Variants in ATP2A1 observed in about 807,000 individuals in gnomAD.
ATP2A1 encodes ATPase sarcoplasmic/endoplasmic reticulum Ca2+ transporting 1, also known as sarcoplasmic/endoplasmic reticulum calcium ATPase 1.
ATP2A1 carries 83 observed loss-of-function variants against 109.5 expected under a neutral mutation model. The ratio of observed to expected loss-of-function variants is 0.76; its 90% CI spans 0.63 to 0.91. The LOEUF is 0.91. ATP2A1 is among the 40% of genes least tolerant of loss of function. The pLI, the probability that ATP2A1 is intolerant of heterozygous loss-of-function variation, is 0.00. For synonymous variants in ATP2A1, 505 were observed against 537.6 expected, an observed-to-expected ratio of 0.94 and a Z score of 0.84; for missense variants, 1,101 against 1,341.0, an observed-to-expected ratio of 0.82 and a Z score of 2.80.
chr16:28,894,828 G>T lies in ATP2A1; in HGVS notation c.1294G>T (p.Gly432Cys). 1 of 1,611,660 alleles carries T rather than the reference G, an allele frequency of 6.2e-7. No individual in the cohort carries two copies. The change falls in exon 12 of 23, where the codon GGT becomes TGT. Residue 432 changes from glycine (G) to cysteine (C), a missense_variant. By Grantham distance (159) the Gly-to-Cys change is radical. Coordinates refer to ENST00000395503, the MANE Select transcript of ATP2A1 (RefSeq NM_004320.6). ...CCTCCTCTGCCCATCTCAGGCCAAA[G>T]GTGTCTATGAGAAGGTCGGCGAGGC... ...DSSLDFNEAKGVYEKVGEATE... is the reference protein window; with the variant it reads ...DSSLDFNEAKCVYEKVGEATE...
rs1174632795 is a variant in ATP2A1, at chr16:28,880,710, C to T, written c.220-205C>T. Among the ~76,000 whole-genome samples, 2 of 152,248 alleles carry T rather than the reference C, an allele frequency of 1.3e-5. No homozygotes were observed. The highest frequency in any genetic ancestry group is 4.8e-5 in the African/African-American group (2 of 41,470). ...GTGGTGCAAGTCTGTGCGCGCCCAT[C>T]CCGCTGAGTAAGGCGGTGGCAGGAC... On this transcript the variant is annotated intron_variant, in intron 3 of 22. Coordinates refer to ENST00000395503, the MANE Select transcript of ATP2A1 (RefSeq NM_004320.6). The surrounding 1 kb of genome is among the most constrained non-coding windows in gnomAD (Gnocchi z 4.2).
chr16:28,882,359 T>C (rs1963511214), intron 4 of ATP2A1, 92 bp from the exon 5 acceptor site: 2 of 1,574,446 alleles, frequency 1.3e-6, no homozygotes. Context: ...CCTGCCTGTG[T>C]GGGGTTTTGT....
chr16:28,888,761 C>T, intron 8 of ATP2A1, 26 bp from the exon 9 acceptor site: 1 of 1,609,960 alleles, frequency 6.2e-7, no homozygotes. Flanking sequence ...TGCAGGTTCC[C>T]TCACACCCTC....
At chr16:28,894,383 G>A in intron 10 of ATP2A1, 122 bp from the exon 11 acceptor site, 1 of 1,286,438 alleles carries the variant, frequency 7.8e-7, no homozygotes, top group Non-Finnish European at 1.1e-6. Flanking sequence ...TGATATCCGA[G>A]TTGGCTCTCC....
chr16:28,888,906 T>G lies in ATP2A1; in HGVS notation c.1048T>G (p.Ser350Ala). 1 of 1,614,156 alleles carries G rather than the reference T, an allele frequency of 6.2e-7. No individual in the cohort carries two copies. Among genetic ancestry groups the G allele is most frequent in the Non-Finnish European group, 8.5e-7 (1 of 1,180,026 alleles). ...CCTGGGCTGCACCTCTGTCATCTGT[T>G]CCGACAAGACAGGCACCCTCACCAC... ...ETLGCTSVIC[S>A]DKTGTLTTNQ... Residue 350 changes from serine to alanine, a missense_variant, in exon 9 of 23, where the codon TCC becomes GCC. Ser to Ala is a moderately conservative substitution (Grantham distance 99). Transcript: ENST00000395503.
At chr16:28,879,322 C>G (rs1387206645) in intron 2 of ATP2A1, 179 bp from the exon 3 acceptor site, 1 of 838,884 alleles carries the variant, frequency 1.2e-6, no homozygotes. Context: ...GAACTGCCCC[C>G]CACTTTGCCG....
intron 12 of ATP2A1, 102 bp downstream of exon 12, chr16:28,895,055 G>C: frequency 6.5e-7 from 1 of 1,541,652 alleles, no homozygotes; most frequent in Non-Finnish European, 8.8e-7. Context: ...TGCCTGTGCT[G>C]GGACCCCACC....
At chr16:28,879,917 G>A (rs1963408461) in intron 3 of ATP2A1, 8 of 835,560 alleles carry the variant, frequency 9.6e-6, no homozygotes, top group East Asian at 8.3e-5. Flanking sequence ...GGCGCGGGGG[G>A]CCACTGCCAC....
chr16:28,891,777 G>C (rs545563075), intron 9 of ATP2A1, among the ~76,000 whole-genome samples: 2 of 151,628 alleles, frequency 1.3e-5, no homozygotes, highest in African/African-American at 4.8e-5. Context: ...TACTTGGGAG[G>C]CTGAGGCAGG....
In ATP2A1 at chr16:28,902,036, G is replaced by A. The variant is rs750855853; in HGVS notation, c.2274G>A (p.Lys758=). The change falls in exon 16 of 23, where the codon AAG becomes AAA. Residue 758 remains lysine, a synonymous_variant. Coordinates refer to ENST00000395503, the MANE Select transcript of ATP2A1 (RefSeq NM_004320.6). The surrounding 1 kb of genome is among the most constrained non-coding windows in gnomAD (Gnocchi z 4.8). ...GCCGCGCCATCTACAACAACATGAA[G>A]CAGTTCATCCGCTACCTCATTTCCT... ...EEGRAIYNNM[K]QFIRYLISSN... 59 of 1,614,138 alleles carry A rather than the reference G, an allele frequency of 3.7e-5. No individual in the cohort carries two copies. Among genetic ancestry groups the A allele is most frequent in the Admixed American group, 1.7e-4 (10 of 60,008 alleles).
In ATP2A1 at chr16:28,902,124, G is replaced by C. The variant is rs1268854625; in HGVS notation, c.2321+41G>C. 5.6e-6 allele frequency: 9 copies of C among 1,613,910 alleles called. No individual in the cohort carries two copies. Among genetic ancestry groups the C allele is most frequent in the Non-Finnish European group, 7.6e-6 (9 of 1,179,852 alleles). ...GGCGTCCAGGAGGAAGCCGGGGTTA[G>C]GGTGGGGTGGCTGCAGGTCTGGGAG... On this transcript the variant is annotated intron_variant, in intron 16 of 22. Coordinates refer to ENST00000395503, the MANE Select transcript of ATP2A1 (RefSeq NM_004320.6). This position sits in a 1 kb window ranked among gnomAD's most constrained non-coding sequence, Gnocchi z 4.8.
At chr16:28,881,069 G>A in intron 4 of ATP2A1, 50 bp downstream of exon 4, 2 of 1,557,992 alleles carry the variant, frequency 1.3e-6, no homozygotes, top group South Asian at 1.1e-5. Flanking sequence ...GTGAAGAAGA[G>A]GCCAACCCTC....
intron 3 of ATP2A1, chr16:28,879,918 C>G: frequency 1.2e-6 from 1 of 842,684 alleles, no homozygotes; most frequent in Non-Finnish European, 1.5e-6. Flanking sequence ...GCGCGGGGGG[C>G]CACTGCCACT....
intron 3 of ATP2A1, 25 bp downstream of exon 3, chr16:28,879,608 G>T (rs764938642): frequency 1.9e-6 from 3 of 1,610,878 alleles, no homozygotes; most frequent in South Asian, 2.2e-5. Flanking sequence ...GTCTCTGGGG[G>T]CTGGCTGGGG....
At position 28,880,890 on chromosome 16, in the gene ATP2A1, C is replaced by G. The variant is rs371531258; in HGVS notation, c.220-25C>G. On this transcript the variant is annotated intron_variant, in intron 3 of 22. Coordinates refer to ENST00000395503, the MANE Select transcript of ATP2A1 (RefSeq NM_004320.6). The surrounding 1 kb of genome is among the most constrained non-coding windows in gnomAD (Gnocchi z 4.2). ...TCTGTTTTGGGGCCTCATTACCTGT[C>G]ATTCTCCTTTCCCCTGCTCCCCAGG... 5.9e-5 allele frequency: 95 copies of G among 1,601,314 alleles called. No homozygotes were observed. The highest frequency in any genetic ancestry group is 7.4e-5 in the Non-Finnish European group (86 of 1,168,464).
intron 12 of ATP2A1, among the ~76,000 whole-genome samples, chr16:28,896,909 TCTA>T (rs1963934138): frequency 6.6e-6 from 1 of 151,782 alleles, no homozygotes; most frequent in Admixed American, 6.6e-5. Context: ...GTTAAGCTGG[TCTA>T]CTACTAAAAA....
At position 28,904,292 on chromosome 16, in the gene ATP2A1, C is replaced by T. The variant is rs1002323510; in HGVS notation, c.*150C>T. ...ACAGACCCCCGTCCTGTCCCCCACA[C>T]CCGTGTCATGTGTCTGTTTATAAAC... is the stretch of plus-strand genomic sequence containing the variant. On this transcript the variant is annotated 3_prime_UTR_variant, in exon 23 of 23. Transcript: ENST00000395503. 6.2e-7 allele frequency: 1 copy of T among 1,611,344 alleles called. No homozygotes were observed. Among genetic ancestry groups the T allele is most frequent in the Non-Finnish European group, 8.5e-7 (1 of 1,179,324 alleles).
Position 28,898,474 on chromosome 16 carries a change from C to CT in ATP2A1, c.1764+24dup. 6.2e-7 allele frequency: 1 copy of CT among 1,606,610 alleles called. No individual in the cohort carries two copies. The highest frequency in any genetic ancestry group is 1.3e-5 in the African/African-American group (1 of 74,888). On this transcript the variant is annotated intron_variant, in intron 14 of 22. Transcript: ENST00000395503. The surrounding 1 kb of genome is among the most constrained non-coding windows in gnomAD (Gnocchi z 4.0). ...GAGGTAAGCAGCTGGGAGCCTCCCA[C>CT]TGTCGTGGAGCTGGTGAAGGGCCGG...
chr16:28,880,838 T>C lies in ATP2A1; in HGVS notation c.220-77T>C. ...TGCACTCTCCTGCACAGTTCTCCCC[T>C]TTGCAGTGGTCCACTTCCTTTCTCC... On this transcript the variant is annotated intron_variant, in intron 3 of 22. Transcript: ENST00000395503. This position sits in a 1 kb window ranked among gnomAD's most constrained non-coding sequence, Gnocchi z 4.2. The C allele has an allele frequency of 7.2e-7, 1 of 1,393,208 alleles. No individual in the cohort carries two copies. The highest frequency in any genetic ancestry group is 2.3e-5 in the East Asian group (1 of 43,760). The allele number at this position is 1,393,208 out of a possible 1,614,324, so 86.3% of individuals were successfully genotyped here. A position where few individuals can be genotyped will look rare whatever the true frequency, so the allele number is the denominator to read the frequency against.
Sources: allele counts gnomAD v4.1 joint callset (sites outside exome capture counted in the v4.1 genomes callset), GRCh38; gene constraint gnomAD v4.1.1; non-coding constraint Gnocchi (gnomAD v3.1); transcripts MANE v1.5; gene names NCBI Gene and HGNC (gene_info 2026-07-23, HGNC 2026-07-21).